The following IGF1R variants were observed in gnomAD, a reference collection of about 807,000 sequenced individuals.
IGF1R encodes the protein insulin like growth factor 1 receptor.
A neutral mutation model predicts 144.6 loss-of-function variants in IGF1R; 44 were observed. That is an observed-to-expected ratio of 0.30 (90% CI 0.24 to 0.39). IGF1R has a LOEUF of 0.39. Ranked by LOEUF, IGF1R falls within the 10% of genes least tolerant of loss-of-function variation. The pLI is 1.00. For missense variants in IGF1R, 1,355 were observed against 1,833.7 expected, an observed-to-expected ratio of 0.74 and a Z score of 4.77; for synonymous variants, 795 against 722.8, an observed-to-expected ratio of 1.10 and a Z score of -1.60.
chr15:98,791,512 A>C (rs1443911325), intron 2 of IGF1R, among the ~76,000 whole-genome samples: 2 of 152,214 alleles, frequency 1.3e-5, no homozygotes, highest in Admixed American at 6.5e-5. Context: ...TGTCAGAGGA[A>C]GATTTTCCAA....
intron 2 of IGF1R, among the ~76,000 whole-genome samples, chr15:98,760,175 T>C (rs967319457): frequency 2.2e-5 from 3 of 139,198 alleles, no homozygotes; most frequent in African/African-American, 8.6e-5. Context: ...CTCCTGTCTC[T>C]ACTTAAAAAA....
At chr15:98,684,186 G>C (rs2053262748) in intron 1 of IGF1R, among the ~76,000 whole-genome samples, 1 of 152,132 alleles carries the variant, frequency 6.6e-6, no homozygotes, top group African/African-American at 2.4e-5. Flanking sequence ...AAAAATAAAA[G>C]CTTCTAAGAC....
At chr15:98,770,602 AAAAT>A (rs1210493759) in intron 2 of IGF1R, among the ~76,000 whole-genome samples, 1 of 152,212 alleles carries the variant, frequency 6.6e-6, no homozygotes. Context: ...ACATCAATAA[AAAAT>A]AAAGGGGAAG....
At chr15:98,760,526 G>A (rs2141351191) in intron 2 of IGF1R, among the ~76,000 whole-genome samples, 1 of 152,312 alleles carries the variant, frequency 6.6e-6, no homozygotes, top group East Asian at 1.9e-4. Flanking sequence ...TTTATTTACT[G>A]TGAGACTTGA....
At chr15:98,906,916 C>T (rs1344022385) in intron 5 of IGF1R, among the ~76,000 whole-genome samples, 1 of 152,196 alleles carries the variant, frequency 6.6e-6, no homozygotes, top group Non-Finnish European at 1.5e-5. Flanking sequence ...CTCCAACCTC[C>T]ACCCCCAGCA....
At chr15:98,842,500 A>G (rs1481428069) in intron 2 of IGF1R, among the ~76,000 whole-genome samples, 2 of 152,254 alleles carry the variant, frequency 1.3e-5, no homozygotes, top group East Asian at 1.9e-4. Context: ...TGCCTGCAGA[A>G]TAATGAAATG....
At chr15:98,726,261 T>G (rs1314391027) in intron 2 of IGF1R, among the ~76,000 whole-genome samples, 1 of 152,180 alleles carries the variant, frequency 6.6e-6, no homozygotes, top group Non-Finnish European at 1.5e-5. Flanking sequence ...CAGACCTGCT[T>G]TCCTATGATT....
At chr15:98,840,796 C>G (rs1388600090) in intron 2 of IGF1R, among the ~76,000 whole-genome samples, 1 of 151,982 alleles carries the variant, frequency 6.6e-6, no homozygotes, top group Non-Finnish European at 1.5e-5. Context: ...CTGCCTCAAC[C>G]TCCCGAGTAG....
At chr15:98,697,800 C>G (rs1490262263) in intron 1 of IGF1R, among the ~76,000 whole-genome samples, 1 of 152,142 alleles carries the variant, frequency 6.6e-6, no homozygotes. Context: ...TGCGGTGGCG[C>G]GATCTCTGCT....
chr15:98,683,898 C>T (rs1285750067), intron 1 of IGF1R, among the ~76,000 whole-genome samples: 1 of 152,160 alleles, frequency 6.6e-6, no homozygotes, highest in South Asian at 2.1e-4. Context: ...TGCTTGTTCA[C>T]AGTATTTGAG....
At chr15:98,755,508 A>G (rs1045271832) in intron 2 of IGF1R, among the ~76,000 whole-genome samples, 2 of 152,052 alleles carry the variant, frequency 1.3e-5, no homozygotes, top group African/African-American at 2.4e-5. Flanking sequence ...TGGGAGGCTG[A>G]AGTGGGTGGA....
Position 98,916,677 on chromosome 15 carries a change from A to G in IGF1R, c.2002A>G (p.Ile668Val). The change falls in exon 10 of 21, where the codon ATC (isoleucine) becomes GTC (valine). Residue 668 changes from isoleucine to valine, a missense_variant. Ile to Val is a conservative substitution (Grantham distance 29). This residue lies in a region of IGF1R where 880 missense variants were observed against 1,202.7 expected (regional missense o/e 0.73). Transcript: ENST00000650285. ...GGCTTTTCTTTTCCGAGAAGACAAAATCCCCATCAGGAAGTATGCCGACGG... is the reference window on the plus strand; with the variant it reads ...GGCTTTTCTTTTCCGAGAAGACAAAGTCCCCATCAGGAAGTATGCCGACGG... ...YRHNYCSKDK[I>V]PIRKYADGTI... 1.2e-6 allele frequency: 2 copies of G among 1,614,028 alleles called. No individual in the cohort carries two copies. The highest frequency in any genetic ancestry group is 2.2e-5 in the South Asian group (2 of 91,054).
chr15:98,780,549 CAAAAAAAAAAA>C (rs1192949160), intron 2 of IGF1R, among the ~76,000 whole-genome samples: 2,976 of 24,022 alleles, frequency 0.12, 196 homozygotes, highest in African/African-American at 0.19. Context: ...AACTCTGTCT[CAAAAAAAAAAA>C]AAAAAAAAAA....
At chr15:98,912,647 TTGTC>T (rs2015073463) in intron 7 of IGF1R, among the ~76,000 whole-genome samples, 1 of 152,274 alleles carries the variant, frequency 6.6e-6, no homozygotes, top group African/African-American at 2.4e-5. Context: ...CTACTTCTGT[TTGTC>T]TGTAGGAAAG....
intron 7 of IGF1R, among the ~76,000 whole-genome samples, chr15:98,912,216 C>T (rs2015055770): frequency 6.6e-6 from 1 of 152,206 alleles, no homozygotes; most frequent in Admixed American, 6.5e-5. Context: ...TTCCAAAGAG[C>T]AGCAACCAGA....
intron 2 of IGF1R, among the ~76,000 whole-genome samples, chr15:98,756,797 G>A (rs2055166721): frequency 6.6e-6 from 1 of 152,132 alleles, no homozygotes; most frequent in Non-Finnish European, 1.5e-5. Flanking sequence ...GTTTTAGACA[G>A]TTGATCTCCT....
chr15:98,750,004 C>T (rs1333121263), intron 2 of IGF1R, among the ~76,000 whole-genome samples: 1 of 151,598 alleles, frequency 6.6e-6, no homozygotes, highest in Non-Finnish European at 1.5e-5. Context: ...ACCATCCTTT[C>T]TTCTTCCTTT....
chr15:98,832,923 A>C (rs1348443887), intron 2 of IGF1R, among the ~76,000 whole-genome samples: 1 of 152,202 alleles, frequency 6.6e-6, no homozygotes, highest in African/African-American at 2.4e-5. Flanking sequence ...TAGACAGTCT[A>C]TGTCTGTGAT....
intron 2 of IGF1R, among the ~76,000 whole-genome samples, chr15:98,785,194 A>C (rs1257533015): frequency 3.9e-5 from 6 of 152,216 alleles, no homozygotes; most frequent in African/African-American, 1.2e-4. Context: ...TCAGAATGTC[A>C]TCTTGTTATT....
Sources: gnomAD v4.1 joint callset for allele counts (sites outside exome capture counted in the v4.1 genomes callset) on GRCh38, gnomAD v4.1.1 for gene constraint, gnomAD v4.1.1 regional missense constraint, MANE v1.5 for transcripts, NCBI Gene and HGNC (gene_info 2026-07-23, HGNC 2026-07-21) for gene names.